Variants in NEMF observed in about 807,000 individuals in gnomAD.
NEMF encodes the protein ribosome quality control complex subunit NEMF.
NEMF carries 89 observed loss-of-function variants against 162.2 expected under a neutral mutation model. That is an observed-to-expected ratio of 0.55 (90% CI 0.46 to 0.65). The LOEUF (loss-of-function observed/expected upper bound fraction) is 0.65. Among genes scored for constraint, NEMF ranks in the 30% least tolerant of loss-of-function variants. The pLI is 0.00. For synonymous variants in NEMF, 421 were observed against 404.5 expected, an observed-to-expected ratio of 1.04 and a Z score of -0.49; for missense variants, 1,133 against 1,261.9, an observed-to-expected ratio of 0.90 and a Z score of 1.55.
rs1892668814 is a variant in NEMF at position 49,832,117 on chromosome 14, T to C, written c.816A>G (p.Glu272=). Residue 272 remains glutamate, a synonymous_variant, in exon 10 of 33, where the codon GAA becomes GAG. Coordinates refer to ENST00000298310, the MANE Select transcript of NEMF (RefSeq NM_004713.6). ...GTTGAGAAAACAAGAAAGGATGAAA[T>C]TCCTCATACCTGTAAAACATATTTA... is the stretch of plus-strand genomic sequence containing the variant. The part of the protein sequence containing the change: ...KPVEDILTYE[E]FHPFLFSQHS... 1.9e-6 allele frequency: 3 copies of C among 1,603,224 alleles called. No individual in the cohort carries two copies. Among genetic ancestry groups the C allele is most frequent in the African/African-American group, 2.7e-5 (2 of 74,384 alleles).
chr14:49,806,208 C>T (rs1006588057), intron 18 of NEMF, 75 bp from the exon 19 acceptor site: 43 of 594,336 alleles, frequency 7.2e-5, no homozygotes, highest in Middle Eastern at 3.1e-4. Flanking sequence ...AATCACATGC[C>T]GCATGACAGG....
intron 15 of NEMF, among the ~76,000 whole-genome samples, chr14:49,826,648 C>G (rs75896546): frequency 0.022 from 3,316 of 151,816 alleles, 138 homozygotes; most frequent in African/African-American, 0.076. Flanking sequence ...TCATGAAGGC[C>G]ACTCATTTAA....
intron 26 of NEMF, among the ~76,000 whole-genome samples, chr14:49,793,901 C>G (rs1890566851): frequency 2.9e-5 from 1 of 33,982 alleles, no homozygotes; most frequent in South Asian, 2.2e-3. Context: ...GCATTTCTGT[C>G]ATCACTTTTT....
intron 18 of NEMF, 74 bp from the exon 19 acceptor site, chr14:49,806,207 C>T (rs1891180625): frequency 4.8e-6 from 3 of 629,386 alleles, no homozygotes; most frequent in Non-Finnish European, 8.0e-6. Flanking sequence ...AAATCACATG[C>T]CGCATGACAG....
In NEMF at chr14:49,846,141, C is replaced by T; in HGVS notation, c.356G>A (p.Arg119Lys). ...AYHLIIELYD[R>K]GNIVLTDYEY... is the part of the protein sequence containing the mutation. ...CCATATCCCACAAATTTAACTTACCCTATCATAGAGCTCAATGATTAAATG... is the reference window on the plus strand; with the variant it reads ...CCATATCCCACAAATTTAACTTACCTTATCATAGAGCTCAATGATTAAATG... Residue 119 changes from arginine (R) to lysine (K), a missense_variant and splice_region_variant, in exon 4 of 33, where the codon AGG (arginine) becomes AAG (lysine). By Grantham distance (26) the Arg-to-Lys change is conservative. Transcript: ENST00000298310. 1 of 1,611,774 alleles carries T rather than the reference C, an allele frequency of 6.2e-7. No homozygotes were observed. The highest frequency in any genetic ancestry group is 1.1e-5 in the South Asian group (1 of 90,774).
At chr14:49,833,524 A>G in intron 7 of NEMF, 28 bp from the exon 8 acceptor site, 2 of 1,469,958 alleles carry the variant, frequency 1.4e-6, no homozygotes, top group South Asian at 1.2e-5. Flanking sequence ...AAAGGAAAAA[A>G]GGAGTGCCAA....
chr14:49,785,073 A>G lies in NEMF; in HGVS notation c.3073+19T>C. On this transcript the variant is annotated intron_variant, in intron 31 of 32. Transcript: ENST00000298310. The stretch of plus-strand genomic sequence containing the variant: ...CTGAACTGTTTAAAATCATAATTCA[A>G]AAAAACAAATTTAAATACCTTTTCC... 1 of 1,608,378 alleles carries G rather than the reference A, an allele frequency of 6.2e-7. No individual in the cohort carries two copies. The highest frequency in any genetic ancestry group is 1.1e-5 in the South Asian group (1 of 90,948).
At chr14:49,790,147 ATT>A (rs1171873204) in intron 26 of NEMF, among the ~76,000 whole-genome samples, 1 of 152,182 alleles carries the variant, frequency 6.6e-6, no homozygotes, top group Non-Finnish European at 1.5e-5. Context: ...AAAATTGTAA[ATT>A]TGTGTCCCTA....
chr14:49,831,541 G>A (rs865986352), intron 10 of NEMF, among the ~76,000 whole-genome samples, 180 bp from the exon 11 acceptor site: 1 of 152,090 alleles, frequency 6.6e-6, no homozygotes, highest in Non-Finnish European at 1.5e-5. Flanking sequence ...AGGTTCAAGT[G>A]ATTCTCCTGC....
rs140830225 is a variant in NEMF at position 49,834,301 on chromosome 14, A to C, written c.661+62T>G. ...CCACCTGCTCCCTTATTACTTTCCC[A>C]GAAAAAATTTTCATAGTTTAAAAAA... is the stretch of plus-strand genomic sequence containing the variant. On this transcript the variant is annotated intron_variant, in intron 7 of 32. Transcript: ENST00000298310. 3.2e-4 allele frequency: 374 copies of C among 1,182,032 alleles called. No individual in the cohort carries two copies. In the African/African-American group the frequency reaches 5.2e-3, roughly 16 times the overall value. 73.2% of individuals were successfully genotyped at this position (1,182,032 alleles called of 1,614,324 possible).
intron 19 of NEMF, among the ~76,000 whole-genome samples, chr14:49,805,778 T>C (rs1421703021): frequency 6.6e-6 from 1 of 152,108 alleles, no homozygotes; most frequent in African/African-American, 2.4e-5. Context: ...AAATCCTACC[T>C]TCCTAGAAAG....
intron 28 of NEMF, among the ~76,000 whole-genome samples, chr14:49,788,176 G>T (rs1416008664): frequency 6.6e-6 from 1 of 151,538 alleles, no homozygotes; most frequent in Non-Finnish European, 1.5e-5. Context: ...CTACTCAGAA[G>T]GCTGAGGCCG....
intron 28 of NEMF, among the ~76,000 whole-genome samples, chr14:49,787,688 T>A (rs1483708875): frequency 6.6e-6 from 1 of 152,210 alleles, no homozygotes; most frequent in African/African-American, 2.4e-5. Flanking sequence ...TATTAACATT[T>A]AGACCATAGC....
intron 23 of NEMF, among the ~76,000 whole-genome samples, chr14:49,800,091 T>C (rs147643298): frequency 1.5e-4 from 23 of 152,354 alleles, no homozygotes; most frequent in Admixed American, 3.3e-4. Flanking sequence ...TATGCATTTA[T>C]AACTATGGAC....
At chr14:49,821,849 C>T (rs1398112184) in intron 16 of NEMF, among the ~76,000 whole-genome samples, 5 of 151,832 alleles carry the variant, frequency 3.3e-5, no homozygotes, top group African/African-American at 7.3e-5. Context: ...ATGACAATGG[C>T]GGTTTTGTGG....
chr14:49,847,691 T>C (rs2140030369), intron 3 of NEMF, among the ~76,000 whole-genome samples: 1 of 149,690 alleles, frequency 6.7e-6, no homozygotes. Context: ...TTATATCCAG[T>C]TACCCCTACC....
intron 16 of NEMF, 39 bp from the exon 17 acceptor site, chr14:49,814,896 A>G (rs1891646995): frequency 8.6e-7 from 1 of 1,169,176 alleles, no homozygotes; most frequent in East Asian, 2.4e-5. Flanking sequence ...TTTTCTTTAT[A>G]GCTGCCTGAA....
At chr14:49,812,431 CT>C (rs1373254118) in intron 18 of NEMF, among the ~76,000 whole-genome samples, 2 of 152,024 alleles carry the variant, frequency 1.3e-5, no homozygotes, top group African/African-American at 4.8e-5. Flanking sequence ...CTAATATTTA[CT>C]ATTTTCTTCC....
intron 16 of NEMF, among the ~76,000 whole-genome samples, chr14:49,815,722 C>T (rs374826403): frequency 5.3e-5 from 8 of 152,136 alleles, no homozygotes; most frequent in East Asian, 1.9e-4. Context: ...CCCAGCACTT[C>T]GAGAGGCCAA....
Sources: allele counts gnomAD v4.1 joint callset (sites outside exome capture counted in the v4.1 genomes callset), GRCh38; gene constraint gnomAD v4.1.1; transcripts MANE v1.5; gene names NCBI Gene and HGNC (gene_info 2026-07-23, HGNC 2026-07-21).